The following SCUBE1 variants were observed in gnomAD, a reference collection of about 807,000 sequenced individuals.
SCUBE1 encodes signal peptide, CUB domain and EGF like domain containing 1, also known as signal peptide, CUB and EGF-like domain-containing protein 1.
SCUBE1 carries 59 observed loss-of-function variants against 124.4 expected under a neutral mutation model. That is an observed-to-expected ratio of 0.47 (90% confidence interval 0.38 to 0.59). SCUBE1 has a LOEUF of 0.59. SCUBE1 is among the 20% of genes least tolerant of loss of function. SCUBE1 has a pLI of 0.00. For synonymous variants in SCUBE1, 545 were observed against 550.9 expected (o/e 0.99, Z 0.15); for missense variants, 1,150 against 1,371.2 (o/e 0.84, Z 2.55).
chr22:43,209,545 C>A (rs138574337), intron 19 of SCUBE1, among the ~76,000 whole-genome samples: 248 of 152,306 alleles, frequency 1.6e-3, no homozygotes, highest in Middle Eastern at 0.01. Context: ...CTGACGGGGG[C>A]GGATGAGCCA....
chr22:43,270,720 A>G (rs1164664432), intron 4 of SCUBE1: 4 of 152,288 alleles, frequency 2.6e-5, no homozygotes, highest in African/African-American at 9.6e-5. Flanking sequence ...GGAGGCAGGT[A>G]GAGGCGAAAC....
At chr22:43,306,170 A>G (rs1039999453) in intron 3 of SCUBE1, among the ~76,000 whole-genome samples, 1 of 152,230 alleles carries the variant, frequency 6.6e-6, no homozygotes, top group Non-Finnish European at 1.5e-5. Flanking sequence ...CAGACGCAGT[A>G]CTGGACTGGG....
At chr22:43,224,029 T>C (rs2146671133) in intron 10 of SCUBE1, among the ~76,000 whole-genome samples, 1 of 152,378 alleles carries the variant, frequency 6.6e-6, no homozygotes, top group South Asian at 2.1e-4. Flanking sequence ...TCCCTGAGCC[T>C]GCCTGACCAA....
chr22:43,340,942 T>C (rs1927292320), intron 1 of SCUBE1, among the ~76,000 whole-genome samples: 1 of 152,182 alleles, frequency 6.6e-6, no homozygotes. Flanking sequence ...GGATAATATC[T>C]GGGTTCGAAA....
Position 43,293,675 on chromosome 22 carries a change from T to C in SCUBE1, c.350-2495A>G, listed in dbSNP as rs115628961. On this transcript the variant is annotated intron_variant, in intron 3 of 21. Coordinates refer to ENST00000360835, the MANE Select transcript of SCUBE1 (RefSeq NM_173050.5). ...TACACTTAACAATGGGACCTGGACATGGGCAGCTGTCCCTGGGACTCAGTT... is the reference window on the plus strand; with the variant it reads ...TACACTTAACAATGGGACCTGGACACGGGCAGCTGTCCCTGGGACTCAGTT... Among the ~76,000 whole-genome samples, 655 of 152,336 alleles carry C rather than the reference T, an allele frequency of 4.3e-3. 10 individuals carry two copies. The highest frequency in any genetic ancestry group is 0.015 in the African/African-American group (633 of 41,574).
intron 4 of SCUBE1, among the ~76,000 whole-genome samples, chr22:43,263,719 TCAAA>T (rs1253035037): frequency 6.6e-6 from 1 of 152,178 alleles, no homozygotes; most frequent in Non-Finnish European, 1.5e-5. Flanking sequence ...AAGTTAAAAA[TCAAA>T]CAAACAAATG....
In SCUBE1 at chr22:43,320,647, T is replaced by C. The variant is rs1220955479; in HGVS notation, c.221-582A>G. 3.3e-5 allele frequency among the ~76,000 whole-genome samples: 5 copies of C among 152,330 alleles called. No individual in the cohort carries two copies. In the East Asian group the frequency reaches 9.6e-4, roughly 29 times the overall value. On this transcript the variant is annotated intron_variant, in intron 2 of 21. Transcript: ENST00000360835. ...TGGAGAATGATAGGAACACGCCTAG[T>C]TAACCTTGTCTGAGCTGCTTCCACG...
At chr22:43,280,782 A>G (rs1191535339) in intron 4 of SCUBE1, among the ~76,000 whole-genome samples, 1 of 107,692 alleles carries the variant, frequency 9.3e-6, no homozygotes, top group Non-Finnish European at 1.8e-5. Flanking sequence ...CCCTCCTGTC[A>G]TCTCCTCCTC....
Position 43,203,747 on chromosome 22 carries a change from G to T in SCUBE1, c.*250C>A, listed in dbSNP as rs1029517362. 7 of 488,298 alleles carry T rather than the reference G, an allele frequency of 1.4e-5. No homozygotes were observed. Among genetic ancestry groups the T allele is most frequent in the African/African-American group, 1.4e-4 (7 of 50,860 alleles). The allele number at this position is 488,298 out of a possible 1,614,324, so 30.2% of individuals were successfully genotyped here. On this transcript the variant is annotated 3_prime_UTR_variant, in exon 22 of 22. Transcript: ENST00000360835. ...GCAGTCGGTCTGCCAGGGCTCAGGA[G>T]AGGGCGCTCTTGGTGTCCTGGGGAA...
chr22:43,258,393 T>C lies in SCUBE1; in HGVS notation c.611-58A>G. 1 of 1,311,424 alleles carries C rather than the reference T, an allele frequency of 7.6e-7. No homozygotes were observed. The highest frequency in any genetic ancestry group is 1.1e-6 in the Non-Finnish European group (1 of 904,768). The allele number at this position is 1,311,424 out of a possible 1,614,324, so 81.2% of individuals were successfully genotyped here. On this transcript the variant is annotated intron_variant, in intron 5 of 21. Coordinates refer to ENST00000360835, the MANE Select transcript of SCUBE1 (RefSeq NM_173050.5). This position sits in a 1 kb window ranked among gnomAD's most constrained non-coding sequence, Gnocchi z 5.0. ...TAAACAGAACAACAAAAACGGTTAGTTTGCCGGTGTTGGCGGCTGCCTTCA... is the reference window on the plus strand; with the variant it reads ...TAAACAGAACAACAAAAACGGTTAGCTTGCCGGTGTTGGCGGCTGCCTTCA...
chr22:43,238,524 A>G (rs753584907), intron 7 of SCUBE1: 5 of 588,542 alleles, frequency 8.5e-6, no homozygotes, highest in Non-Finnish European at 1.2e-5. Flanking sequence ...GAAGTCCCAC[A>G]GTAGAGACGC....
chr22:43,327,418 T>C (rs1207939117), intron 2 of SCUBE1, among the ~76,000 whole-genome samples: 1 of 152,118 alleles, frequency 6.6e-6, no homozygotes, highest in African/African-American at 2.4e-5. Context: ...TTCCTAACAC[T>C]GGAAGGGCTG....
At chr22:43,310,621 ACTT>A (rs1477378668) in intron 3 of SCUBE1, among the ~76,000 whole-genome samples, 1 of 152,198 alleles carries the variant, frequency 6.6e-6, no homozygotes, top group African/African-American at 2.4e-5. Flanking sequence ...ATCCTGTCTG[ACTT>A]CTTGCGCCAC....
At chr22:43,285,571 C>T (rs527842437) in intron 4 of SCUBE1, among the ~76,000 whole-genome samples, 48 of 152,220 alleles carry the variant, frequency 3.2e-4, no homozygotes, top group Non-Finnish European at 2.6e-4. Flanking sequence ...ACAGAAGAGG[C>T]AGAGCCCAAC....
Position 43,310,482 on chromosome 22 carries a change from C to A in SCUBE1, c.349+9455G>T, listed in dbSNP as rs73166108. Among the ~76,000 whole-genome samples the A allele has an allele frequency of 2.4e-3, 366 of 152,294 alleles. 4 individuals are homozygous for A. The highest frequency in any genetic ancestry group is 3.9e-3 in the Non-Finnish European group (265 of 68,026). On this transcript the variant is annotated intron_variant, in intron 3 of 21. Coordinates refer to ENST00000360835, the MANE Select transcript of SCUBE1 (RefSeq NM_173050.5). ...AGGCTGCCCATAGTGTCCTGGCTGA[C>A]AGCCAACCACCACCACCAGCTGTGA... is the stretch of plus-strand genomic sequence containing the variant.
At chr22:43,307,744 G>A (rs956742551) in intron 3 of SCUBE1, among the ~76,000 whole-genome samples, 6 of 152,120 alleles carry the variant, frequency 3.9e-5, no homozygotes, top group East Asian at 1.9e-4. Context: ...ATTCCGCTTC[G>A]GAAAAAAGAT....
intron 6 of SCUBE1, among the ~76,000 whole-genome samples, chr22:43,256,299 G>A (rs1237944820): frequency 6.6e-6 from 1 of 152,226 alleles, no homozygotes; most frequent in Non-Finnish European, 1.5e-5. Context: ...GCATGCAGAG[G>A]AGAAGTGGCC....
intron 3 of SCUBE1, among the ~76,000 whole-genome samples, chr22:43,295,142 G>A (rs1041459129): frequency 2.6e-5 from 4 of 152,158 alleles, no homozygotes; most frequent in East Asian, 1.9e-4. Context: ...GTCCGATGGC[G>A]GTAGTGACGA....
At chr22:43,229,909 A>G (rs921554288) in intron 8 of SCUBE1, among the ~76,000 whole-genome samples, 2 of 151,886 alleles carry the variant, frequency 1.3e-5, no homozygotes, top group African/African-American at 4.8e-5. Flanking sequence ...GTTGATGGGG[A>G]CCCCTGAAGG....
Sources: allele counts gnomAD v4.1 joint callset (sites outside exome capture counted in the v4.1 genomes callset), GRCh38; gene constraint gnomAD v4.1.1; non-coding constraint Gnocchi (gnomAD v3.1); transcripts MANE v1.5; gene names NCBI Gene and HGNC (gene_info 2026-07-23, HGNC 2026-07-21).